CIT: variants seen among roughly 807,000 people sequenced by gnomAD.
CIT encodes the protein citron rho-interacting serine/threonine kinase.
In CIT, 79 loss-of-function variants were observed where a neutral mutation model predicts 272.7. The observed-to-expected ratio is 0.29, with a 90% CI of 0.24 to 0.35. The LOEUF (loss-of-function observed/expected upper bound fraction) is 0.35. Ranked by LOEUF, CIT falls within the 10% of genes least tolerant of loss-of-function variation. The probability of loss-of-function intolerance (pLI) is 1.00; values close to 1 mark genes in which losing one functional copy is unlikely to be tolerated. For missense variants in CIT, 1,909 were observed against 2,618.3 expected (o/e 0.73, Z 5.91); for synonymous variants, 948 against 995.6 (o/e 0.95, Z 0.90).
chr12:119,810,030 G>A (rs1966808670), intron 9 of CIT, among the ~76,000 whole-genome samples: 1 of 152,182 alleles, frequency 6.6e-6, no homozygotes, highest in African/African-American at 2.4e-5. Flanking sequence ...ATGTCCTTTA[G>A]AATAAACCAG....
chr12:119,782,389 C>T, intron 13 of CIT, 129 bp downstream of exon 13: 2 of 1,002,458 alleles, frequency 2.0e-6, no homozygotes, highest in Non-Finnish European at 3.0e-6. Context: ...ATACCTGTCT[C>T]TCTTCCACTC....
At chr12:119,743,256 T>C (rs1360304097) in intron 23 of CIT, among the ~76,000 whole-genome samples, 1 of 148,062 alleles carries the variant, frequency 6.8e-6, no homozygotes, top group Non-Finnish European at 1.5e-5. Flanking sequence ...ATAAGAAAGG[T>C]AGGTAGAAAC....
chr12:119,853,320 T>C (rs1055956142), intron 4 of CIT, among the ~76,000 whole-genome samples: 31 of 141,260 alleles, frequency 2.2e-4, no homozygotes, highest in African/African-American at 7.7e-4. Context: ...CAAGACTCTG[T>C]CTCCAAAAAA....
At chr12:119,746,271 G>C (rs1959384441) in intron 23 of CIT, among the ~76,000 whole-genome samples, 1 of 152,162 alleles carries the variant, frequency 6.6e-6, no homozygotes, top group African/African-American at 2.4e-5. Flanking sequence ...AGAGTATCCA[G>C]TCTTGGTTAG....
At chr12:119,852,489 G>A (rs377467900) in intron 4 of CIT, among the ~76,000 whole-genome samples, 160 of 152,208 alleles carry the variant, frequency 1.1e-3, no homozygotes, top group African/African-American at 3.4e-3. Context: ...CAAGGCGGGC[G>A]GATCACTTGA....
At chr12:119,779,283 C>A (rs528417549) in intron 13 of CIT, among the ~76,000 whole-genome samples, 1 of 152,036 alleles carries the variant, frequency 6.6e-6, no homozygotes, top group Non-Finnish European at 1.5e-5. Flanking sequence ...AATGGAATAT[C>A]GGTTTTTCTG....
At chr12:119,825,937 G>A (rs539408008) in intron 7 of CIT, among the ~76,000 whole-genome samples, 19 of 152,252 alleles carry the variant, frequency 1.2e-4, no homozygotes, top group Admixed American at 7.2e-4. Flanking sequence ...GTGTGGTGGT[G>A]CACACCTGTG....
chr12:119,704,290 C>T, intron 41 of CIT, 73 bp downstream of exon 41: 1 of 1,443,058 alleles, frequency 6.9e-7, no homozygotes, highest in African/African-American at 1.4e-5. Flanking sequence ...GGACAGTGCA[C>T]TTTCCACACT....
chr12:119,730,729 G>A (rs1958391356), intron 26 of CIT, 99 bp from the exon 27 acceptor site: 1 of 1,313,666 alleles, frequency 7.6e-7, no homozygotes. Flanking sequence ...AACTAAACAG[G>A]CTGCAGGCCA....
chr12:119,696,530 T>A (rs1425244973), intron 46 of CIT, among the ~76,000 whole-genome samples: 1 of 152,160 alleles, frequency 6.6e-6, no homozygotes, highest in Non-Finnish European at 1.5e-5. Flanking sequence ...GCCCTTCCCA[T>A]CCTTTTTTGA....
At chr12:119,800,316 T>C (rs1966085871) in intron 10 of CIT, among the ~76,000 whole-genome samples, 1 of 152,176 alleles carries the variant, frequency 6.6e-6, no homozygotes, top group Admixed American at 6.5e-5. Flanking sequence ...CTAGAAACTC[T>C]CCAGCTCCCA....
intron 20 of CIT, among the ~76,000 whole-genome samples, chr12:119,759,829 T>C (rs937901670): frequency 2.6e-5 from 4 of 151,992 alleles, no homozygotes; most frequent in Non-Finnish European, 5.9e-5. Context: ...ACTTAAAAAA[T>C]CATAAGAATT....
At chr12:119,691,787 T>G (rs941230055) in intron 46 of CIT, among the ~76,000 whole-genome samples, 1 of 152,240 alleles carries the variant, frequency 6.6e-6, no homozygotes, top group African/African-American at 2.4e-5. Context: ...AAATGTGGCC[T>G]TCTGAGTCAA....
rs768271650 is a variant in CIT, at chr12:119,701,978, G to A, written c.5305-20C>T. On this transcript the variant is annotated intron_variant, in intron 41 of 47. Transcript: ENST00000392521. Reference sequence around the variant, plus strand: ...TATCTCCTGAGACATGAGAGCAGAAGAGAAGGATGTGAGAGGTAACACAGG... The same window carrying A: ...TATCTCCTGAGACATGAGAGCAGAAAAGAAGGATGTGAGAGGTAACACAGG... 1 of 1,586,712 alleles carries A rather than the reference G, an allele frequency of 6.3e-7. No individual in the cohort carries two copies. Among genetic ancestry groups the A allele is most frequent in the Non-Finnish European group, 8.7e-7 (1 of 1,155,338 alleles).
rs1173511813 is a variant in CIT at position 119,772,799 on chromosome 12, C to T, written c.2053G>A (p.Gly685Ser). 3.7e-6 allele frequency: 6 copies of T among 1,613,882 alleles called. No individual in the cohort carries two copies. Among genetic ancestry groups the T allele is most frequent in the African/African-American group, 2.7e-5 (2 of 75,042 alleles). The part of the protein sequence containing the change: ...KLQNREDSSE[G>S]IRKKLVEAEE... Reference sequence around the variant, plus strand: ...GCTTCCACCAGCTTCTTTCTGATGCCTTCAGAAGAATCCTCTCGGTTCTGC... The same window carrying T: ...GCTTCCACCAGCTTCTTTCTGATGCTTTCAGAAGAATCCTCTCGGTTCTGC... Residue 685 changes from glycine (G) to serine (S), a missense_variant, in exon 17 of 48, where the codon GGC becomes AGC. Physicochemically the swap from Gly to Ser is moderately conservative, Grantham distance 56. Around this residue, in one of 8 missense-constraint regions of CIT, gnomAD observed 530 missense variants for 822.4 expected, o/e 0.64. Coordinates refer to ENST00000392521, the MANE Select transcript of CIT (RefSeq NM_001206999.2).
chr12:119,717,414 C>CTTTTTTTTTTTTTTTT (rs765763044), intron 32 of CIT, among the ~76,000 whole-genome samples: 11 of 109,458 alleles, frequency 1.0e-4, no homozygotes, highest in African/African-American at 3.1e-4. Context: ...TTTTTCTTTT[C>CTTTTTTTTTTTTTTTT]TTTTCTTTTT....
chr12:119,814,912 C>T (rs967025991), intron 9 of CIT, among the ~76,000 whole-genome samples: 1 of 151,988 alleles, frequency 6.6e-6, no homozygotes, highest in African/African-American at 2.4e-5. Context: ...GTGGCGCATG[C>T]CTGTAATCCC....
chr12:119,813,280 T>C (rs544974406), intron 9 of CIT, among the ~76,000 whole-genome samples: 8 of 152,384 alleles, frequency 5.2e-5, no homozygotes, highest in Admixed American at 5.2e-4. Context: ...TGTAGTTGAA[T>C]GTTCCATCAC....
intron 23 of CIT, among the ~76,000 whole-genome samples, chr12:119,751,055 G>A (rs1368308534): frequency 6.6e-6 from 1 of 152,140 alleles, no homozygotes; most frequent in Non-Finnish European, 1.5e-5. Context: ...GCAGGTGTGT[G>A]CCTGTCTGCT....
Sources: gnomAD v4.1 joint callset for allele counts (sites outside exome capture counted in the v4.1 genomes callset) on GRCh38, gnomAD v4.1.1 for gene constraint, gnomAD v4.1.1 regional missense constraint, MANE v1.5 for transcripts, NCBI Gene and HGNC (gene_info 2026-07-23, HGNC 2026-07-21) for gene names.